Variants in ANK2 observed in about 807,000 individuals in gnomAD.
ANK2 encodes the protein ankyrin 2, also known as ankyrin-2.
Under a neutral mutation model 360.5 loss-of-function variants are expected in ANK2, and 83 were observed. The observed-to-expected ratio is 0.23, with a 90% CI of 0.19 to 0.28. The LOEUF (loss-of-function observed/expected upper bound fraction) is 0.28, where lower values mean the gene tolerates loss of function less well. Ranked by LOEUF, ANK2 falls within the 10% of genes least tolerant of loss-of-function variation. The probability of loss-of-function intolerance (pLI) is 1.00; values close to 1 mark genes in which losing one functional copy is unlikely to be tolerated. For missense variants in ANK2, 4,201 were observed against 4,795.7 expected (o/e 0.88, Z 3.66); for synonymous variants, 1,740 against 1,759.5 (o/e 0.99, Z 0.28).
intron 4 of ANK2, among the ~76,000 whole-genome samples, chr4:113,222,979 T>C (rs2099168522): frequency 6.6e-6 from 1 of 152,208 alleles, no homozygotes; most frequent in East Asian, 1.9e-4. Flanking sequence ...TTTGTCCTTT[T>C]CCCTTAAATG....
chr4:112,946,963 A>G (rs2094580523), intron 2 of ANK2, among the ~76,000 whole-genome samples: 1 of 152,202 alleles, frequency 6.6e-6, no homozygotes, highest in Non-Finnish European at 1.5e-5. Flanking sequence ...TAAGATCCCT[A>G]CTCAACCCAT....
At chr4:112,842,807 G>T (rs1341115009) in intron 1 of ANK2, among the ~76,000 whole-genome samples, 1 of 152,214 alleles carries the variant, frequency 6.6e-6, no homozygotes, top group Non-Finnish European at 1.5e-5. Flanking sequence ...TCTTGTTGCT[G>T]CTGTAACAAA....
chr4:112,738,905 G>A, the ANK2 span: 10 of 683,190 alleles, frequency 1.5e-5, no homozygotes, highest in East Asian at 3.7e-5. Context: ...AAAAAACAAA[G>A]CACATGCTGC....
chr4:113,256,078 T>C (rs2153627372), intron 11 of ANK2, 146 bp downstream of exon 11: 1 of 985,670 alleles, frequency 1.0e-6, no homozygotes, highest in Middle Eastern at 3.1e-4. Context: ...AATCAGCCTG[T>C]GTACTTCATA....
intron 2 of ANK2, among the ~76,000 whole-genome samples, chr4:112,980,743 C>T (rs1447375179): frequency 1.3e-5 from 2 of 152,138 alleles, no homozygotes; most frequent in African/African-American, 2.4e-5. Flanking sequence ...GTTACTACAG[C>T]TGACTATAAA....
At chr4:112,869,705 CAG>C (rs1469261446) in intron 1 of ANK2, among the ~76,000 whole-genome samples, 2 of 152,156 alleles carry the variant, frequency 1.3e-5, no homozygotes, top group African/African-American at 4.8e-5. Flanking sequence ...TTATTTGAGA[CAG>C]ATTCTCAGTC....
intron 2 of ANK2, among the ~76,000 whole-genome samples, chr4:113,021,164 G>A (rs1444401673): frequency 9.1e-6 from 1 of 109,838 alleles, no homozygotes; most frequent in Non-Finnish European, 1.9e-5. Context: ...CCCTTCAAAA[G>A]CACAGAGAGG....
At chr4:112,813,530 T>C (rs1395102343), upstream of ANK2, among the ~76,000 whole-genome samples, 3 of 133,616 alleles carry the variant, frequency 2.2e-5, no homozygotes, top group East Asian at 6.0e-4. Context: ...AATTATATTA[T>C]ATTTATTTAT....
In ANK2 at chr4:113,070,592, C is replaced by T. The variant is rs114199145; in HGVS notation, c.84+20780C>T. 7.3e-3 allele frequency among the ~76,000 whole-genome samples: 1,107 copies of T among 152,184 alleles called. 19 individuals carry two copies. The highest frequency in any genetic ancestry group is 0.025 in the African/African-American group (1,034 of 41,496). On this transcript the variant is annotated intron_variant, in intron 1 of 45. Transcript: ENST00000357077. The stretch of plus-strand genomic sequence containing the variant: ...AGCAATAAGTTTGACAGGAAGACAG[C>T]CTATCAGTTTGCCCTACAAGTCTTA...
At chr4:113,342,900 G>A in intron 33 of ANK2, 117 bp from the exon 34 acceptor site, 1 of 1,305,188 alleles carries the variant, frequency 7.7e-7, no homozygotes, top group Non-Finnish European at 1.1e-6. Context: ...TCAATTTAAA[G>A]ATGGTTGTAT....
chr4:113,301,151 G>A (rs1017276742), intron 22 of ANK2, among the ~76,000 whole-genome samples: 2 of 152,038 alleles, frequency 1.3e-5, no homozygotes, highest in African/African-American at 4.8e-5. Flanking sequence ...TATGTCAAGG[G>A]ATTCATTTTT....
Position 112,969,232 on chromosome 4 carries a change from C to T in ANK2, c.21+64718C>T, listed in dbSNP as rs148478060. On this transcript the variant is annotated intron_variant, in intron 2 of 30. Coordinates refer to the ANK2 transcript ENST00000503271. ...ACACTAACTCTGTTAATAAGAATTA[C>T]TTGCAGTTCCACTTAGTTTTAAAGC... Among the ~76,000 whole-genome samples the T allele has an allele frequency of 8.7e-4, 132 of 152,296 alleles. 3 individuals are homozygous for T. In the East Asian group the frequency reaches 0.025, roughly 29 times the overall value.
chr4:113,303,205 G>A (rs1305342784), intron 23 of ANK2, among the ~76,000 whole-genome samples: 1 of 152,060 alleles, frequency 6.6e-6, no homozygotes, highest in African/African-American at 2.4e-5. Context: ...TTATTCAAAT[G>A]ACTTTAAGTA....
the ANK2 span, among the ~76,000 whole-genome samples, chr4:112,785,897 G>A: frequency 8.5e-3 from 1,297 of 152,250 alleles, 21 homozygotes; most frequent in African/African-American, 0.03. Flanking sequence ...CTGGAGTGCA[G>A]CAGTGTGATC....
chr4:113,182,089 C>A lies in ANK2; in HGVS notation c.186+7572C>A, dbSNP rs28525436. Reference sequence around the variant, plus strand: ...GCAACAGGCAGGAGAATTGGTGAGACGTGGCTGGATTCTAGACACATTTCA... The same window carrying A: ...GCAACAGGCAGGAGAATTGGTGAGAAGTGGCTGGATTCTAGACACATTTCA... On this transcript the variant is annotated intron_variant, in intron 2 of 45. Transcript: ENST00000357077. Among the ~76,000 whole-genome samples, 302 of 152,150 alleles carry A rather than the reference C, an allele frequency of 2.0e-3. 2 individuals carry two copies. Among genetic ancestry groups the A allele is most frequent in the African/African-American group, 7.0e-3 (292 of 41,530 alleles).
intron 1 of ANK2, among the ~76,000 whole-genome samples, chr4:113,137,900 T>C (rs2096496291): frequency 1.3e-5 from 2 of 152,196 alleles, no homozygotes; most frequent in Non-Finnish European, 2.9e-5. Flanking sequence ...TAAGACCACA[T>C]TAACATAATT....
chr4:113,119,598 A>G (rs944291302), intron 1 of ANK2, among the ~76,000 whole-genome samples: 2 of 152,170 alleles, frequency 1.3e-5, no homozygotes, highest in Non-Finnish European at 2.9e-5. Flanking sequence ...ATCATCGTTT[A>G]TTTGCTGATG....
intron 1 of ANK2, among the ~76,000 whole-genome samples, chr4:112,901,689 C>T (rs2083416384): frequency 6.6e-6 from 1 of 151,774 alleles, no homozygotes; most frequent in Non-Finnish European, 1.5e-5. Flanking sequence ...GGTGAAACCC[C>T]GTCTCTACTA....
At chr4:113,130,453 G>A (rs1465592169) in intron 1 of ANK2, among the ~76,000 whole-genome samples, 1 of 152,096 alleles carries the variant, frequency 6.6e-6, no homozygotes, top group African/African-American at 2.4e-5. Flanking sequence ...TTAGTCAAAT[G>A]TATAATGATA....
Sources: gnomAD v4.1 joint callset for allele counts (sites outside exome capture counted in the v4.1 genomes callset) on GRCh38, gnomAD v4.1.1 for gene constraint, MANE v1.5 for transcripts, NCBI Gene and HGNC (gene_info 2026-07-23, HGNC 2026-07-21) for gene names.